Variants in TACC2 observed in about 807,000 individuals in gnomAD.
TACC2 encodes the protein transforming acidic coiled-coil containing protein 2.
In TACC2, 137 loss-of-function variants were observed where a neutral mutation model predicts 227.3. The observed-to-expected ratio is 0.60, with a 90% confidence interval of 0.52 to 0.69. The LOEUF (loss-of-function observed/expected upper bound fraction) is 0.69. TACC2 is among the 30% of genes least tolerant of loss of function. TACC2 has a pLI of 0.00. For synonymous variants in TACC2, 1,523 were observed against 1,487.5 expected, an observed-to-expected ratio of 1.02 and a Z score of -0.55; for missense variants, 3,470 against 3,694.4, an observed-to-expected ratio of 0.94 and a Z score of 1.57.
At position 122,117,977 on chromosome 10, in the gene TACC2, A is replaced by T. The variant is rs565595434; in HGVS notation, c.5574-14632A>T. ...TCTGGCTCCCTGCTTCACACAGAAC[A>T]GGAAAAGATTGAACATTACCTTTGT... On this transcript the variant is annotated intron_variant, in intron 5 of 22. Coordinates refer to ENST00000369005, the MANE Select transcript of TACC2 (RefSeq NM_206862.4). Among the ~76,000 whole-genome samples, 8 of 151,426 alleles carry T rather than the reference A, an allele frequency of 5.3e-5. 2 individuals carry two copies. In the Middle Eastern group the frequency reaches 0.017, roughly 329 times the overall value.
chr10:122,178,381 C>T (rs1297801104), intron 7 of TACC2, among the ~76,000 whole-genome samples: 2 of 151,798 alleles, frequency 1.3e-5, no homozygotes, highest in South Asian at 4.1e-4. Context: ...GGATCACAGG[C>T]ACACACCACC....
At chr10:122,105,572 C>A (rs541409639) in intron 5 of TACC2, among the ~76,000 whole-genome samples, 8 of 151,968 alleles carry the variant, frequency 5.3e-5, no homozygotes, top group South Asian at 2.1e-4. Context: ...ATTCCTGCTT[C>A]TTGCCTCTCC....
chr10:122,114,090 G>A (rs1351127099), intron 5 of TACC2, among the ~76,000 whole-genome samples: 1 of 152,210 alleles, frequency 6.6e-6, no homozygotes, highest in Non-Finnish European at 1.5e-5. Flanking sequence ...AGCTGAAATA[G>A]ACATTGTGGA....
chr10:122,085,120 C>A lies in TACC2; in HGVS notation c.2620C>A (p.Gln874Lys). ...GFKDQGADSS[Q>K]IHVPVEPQED... ...TAAGGACCAGGGAGCAGATTCTTCC[C>A]AAATCCATGTACCTGTGGAACCTCA... Residue 874 changes from glutamine to lysine, a missense_variant, in exon 4 of 23, where the codon CAA (glutamine) becomes AAA (lysine). Around this residue, in one of 10 missense-constraint regions of TACC2, gnomAD observed 1,924 missense variants for 1,978.3 expected, o/e 0.97. Coordinates refer to ENST00000369005, the MANE Select transcript of TACC2 (RefSeq NM_206862.4). 1 of 1,614,144 alleles carries A rather than the reference C, an allele frequency of 6.2e-7. No individual in the cohort carries two copies. The highest frequency in any genetic ancestry group is 8.5e-7 in the Non-Finnish European group (1 of 1,180,038).
intron 1 of TACC2, among the ~76,000 whole-genome samples, chr10:122,000,019 G>C (rs1223868769): frequency 1.3e-5 from 2 of 152,268 alleles, no homozygotes; most frequent in East Asian, 1.9e-4. Flanking sequence ...TGAAGACTTG[G>C]GATCCAACAC....
chr10:122,075,731 T>C lies in TACC2; in HGVS notation c.147-6916T>C, dbSNP rs2078721728. On this transcript the variant is annotated intron_variant, in intron 3 of 22. Coordinates refer to ENST00000369005, the MANE Select transcript of TACC2 (RefSeq NM_206862.4). ...GTTCTCAGAGGCTAGTCAGTCTTAC[T>C]TAGTCTGTGTTCTGTTGCTTATCGC... is the stretch of plus-strand genomic sequence containing the variant. Among the ~76,000 whole-genome samples the C allele has an allele frequency of 2.0e-5, 3 of 152,192 alleles. No homozygotes were observed. In the South Asian group the frequency reaches 6.2e-4, roughly 32 times the overall value.
intron 7 of TACC2, chr10:122,192,764 G>C (rs766481490): frequency 3.5e-5 from 16 of 456,610 alleles, no homozygotes; most frequent in Non-Finnish European, 7.0e-5. Context: ...GGGGACTCCA[G>C]TCTGCTGGTG....
chr10:122,224,904 C>T, intron 12 of TACC2, 117 bp downstream of exon 12: 1 of 828,346 alleles, frequency 1.2e-6, no homozygotes. Context: ...TTTCTGTGTA[C>T]ACAGCTTCCC....
intron 7 of TACC2, among the ~76,000 whole-genome samples, chr10:122,176,107 CTCTCTCTCTCTATATATATATA>C (rs1293310360): frequency 2.3e-4 from 16 of 70,534 alleles, no homozygotes; most frequent in African/African-American, 1.2e-3. Context: ...CTCTCTCTCT[CTCTCTCTCTCTATATATATATA>C]TATATATATA....
chr10:122,062,226 G>A (rs2076917470), intron 3 of TACC2, among the ~76,000 whole-genome samples: 2 of 151,692 alleles, frequency 1.3e-5, no homozygotes, highest in South Asian at 4.2e-4. Flanking sequence ...GTAGAGACGG[G>A]GTTTTACTGT....
In TACC2 at chr10:122,085,040, A is replaced by G. The variant is rs1379825254; in HGVS notation, c.2540A>G (p.Glu847Gly). The change falls in exon 4 of 23, where the codon GAG (glutamate) becomes GGG (glycine). Residue 847 changes from glutamate (E) to glycine (G), a missense_variant. Glu to Gly is a moderately conservative substitution (Grantham distance 98). Coordinates refer to ENST00000369005, the MANE Select transcript of TACC2 (RefSeq NM_206862.4). ...ACATCCATCTTTGACGTGCTCAAGG[A>G]GCAGGCCCAGCCACCTGAAAATGGG... is the stretch of plus-strand genomic sequence containing the variant. ...PETSIFDVLKEQAQPPENGKE... is the reference protein window; with the variant it reads ...PETSIFDVLKGQAQPPENGKE... 1 of 1,614,188 alleles carries G rather than the reference A, an allele frequency of 6.2e-7. No homozygotes were observed. The highest frequency in any genetic ancestry group is 8.5e-7 in the Non-Finnish European group (1 of 1,180,034).
In TACC2 at chr10:122,086,281, C is replaced by T. The variant is rs1443838890; in HGVS notation, c.3781C>T (p.Pro1261Ser). The stretch of plus-strand genomic sequence containing the variant: ...AGTGAAAGCTGTTTCCTCTGCAGAC[C>T]CCAGAGCTCCTGGCGAAAGCCCCTG... Reference protein sequence around the residue: ...SGVKAVSSADPRAPGESPCPV... With the variant: ...SGVKAVSSADSRAPGESPCPV... The change falls in exon 4 of 23, where the codon CCC becomes TCC. Residue 1261 changes from proline (P) to serine (S), a missense_variant. This residue lies in a region of TACC2 where 1,924 missense variants were observed against 1,978.3 expected (regional missense o/e 0.97). Coordinates refer to ENST00000369005, the MANE Select transcript of TACC2 (RefSeq NM_206862.4). The T allele has an allele frequency of 2.5e-6, 4 of 1,613,892 alleles. No homozygotes were observed. The highest frequency in any genetic ancestry group is 3.3e-5 in the Admixed American group (2 of 60,006).
chr10:122,197,053 G>A (rs773212929), intron 8 of TACC2, among the ~76,000 whole-genome samples: 11 of 152,032 alleles, frequency 7.2e-5, no homozygotes, highest in Non-Finnish European at 1.3e-4. Context: ...CTGAGGTCGG[G>A]AGTTCGAGAC....
Position 122,083,930 on chromosome 10 carries a change from G to T in TACC2, c.1430G>T (p.Ser477Ile). 1 of 1,614,124 alleles carries T rather than the reference G, an allele frequency of 6.2e-7. No individual in the cohort carries two copies. Among genetic ancestry groups the T allele is most frequent in the African/African-American group, 1.3e-5 (1 of 75,048 alleles). The change falls in exon 4 of 23, where the codon AGC becomes ATC. Residue 477 changes from serine to isoleucine, a missense_variant. By Grantham distance (142) the Ser-to-Ile change is moderately radical. This residue lies in a region of TACC2 where 1,924 missense variants were observed against 1,978.3 expected (regional missense o/e 0.97). Transcript: ENST00000369005. ...GAGAGGCAGGTGTCAGATCTTGGAA[G>T]CAAGGGAGAGCATCCAGAAGGGGAC... is the stretch of plus-strand genomic sequence containing the variant. Reference protein sequence around the residue: ...GLERQVSDLGSKGEHPEGDPG... With the variant: ...GLERQVSDLGIKGEHPEGDPG...
Position 122,218,968 on chromosome 10 carries a change from GCTGAGATTGTGCCA to G in TACC2, c.7546+2144_7546+2157del, listed in dbSNP as rs556413515. Among the ~76,000 whole-genome samples the G allele has an allele frequency of 2.2e-3, 308 of 141,698 alleles. 1 individual carries two copies. The highest frequency in any genetic ancestry group is 7.8e-3 in the African/African-American group (296 of 38,112). The allele number at this position is 141,698 out of a possible 152,430, so 93.0% of individuals were successfully genotyped here. On this transcript the variant is annotated intron_variant, in intron 11 of 22. Transcript: ENST00000369005. Reference sequence around the variant, plus strand: ...GCCCAGGTGACAGAGGTTGCAGTGAGCTGAGATTGTGCCACTGCACTCCAGCCTGGGTGACAGTG... The same window carrying G: ...GCCCAGGTGACAGAGGTTGCAGTGAGCTGCACTCCAGCCTGGGTGACAGTG...
intron 5 of TACC2, among the ~76,000 whole-genome samples, chr10:122,107,823 A>AC (rs971610490): frequency 2.3e-5 from 3 of 130,450 alleles, no homozygotes; most frequent in Non-Finnish European, 3.2e-5. Flanking sequence ...TATATCCCTC[A>AC]CCCCCCTCCC....
chr10:122,052,459 T>G (rs1038066829), intron 3 of TACC2: 4 of 152,048 alleles, frequency 2.6e-5, no homozygotes, highest in African/African-American at 9.7e-5. Context: ...CCGAGGTGGG[T>G]GGATCACGAG....
intron 2 of TACC2, among the ~76,000 whole-genome samples, chr10:122,042,094 C>T (rs995400303): frequency 6.0e-5 from 9 of 150,644 alleles, no homozygotes; most frequent in Middle Eastern, 3.6e-3. Context: ...CACAGGCGCC[C>T]GCGACCACGC....
chr10:122,080,324 C>G (rs2079324562), intron 3 of TACC2, among the ~76,000 whole-genome samples: 1 of 151,646 alleles, frequency 6.6e-6, no homozygotes, highest in Non-Finnish European at 1.5e-5. Flanking sequence ...CCTCAACCTC[C>G]AGCACTCAAG....
Sources: gnomAD v4.1 joint callset for allele counts (sites outside exome capture counted in the v4.1 genomes callset) on GRCh38, gnomAD v4.1.1 for gene constraint, gnomAD v4.1.1 regional missense constraint, MANE v1.5 for transcripts, NCBI Gene and HGNC (gene_info 2026-07-23, HGNC 2026-07-21) for gene names.